Variants in SLC14A2 observed in about 807,000 individuals in gnomAD.
SLC14A2 encodes solute carrier family 14 member 2.
In SLC14A2, 91 loss-of-function variants were observed where a neutral mutation model predicts 104.6. The ratio of observed to expected loss-of-function variants is 0.87; its 90% CI spans 0.73 to 1.04. The LOEUF (loss-of-function observed/expected upper bound fraction) is 1.04. Among genes scored for constraint, SLC14A2 ranks in the 50% least tolerant of loss-of-function variants. The pLI, the probability that SLC14A2 is intolerant of heterozygous loss-of-function variation, is 0.00. For synonymous variants in SLC14A2, 476 were observed against 466.4 expected, an observed-to-expected ratio of 1.02 and a Z score of -0.27; for missense variants, 1,189 against 1,156.0, an observed-to-expected ratio of 1.03 and a Z score of -0.41.
the SLC14A2 span, among the ~76,000 whole-genome samples, chr18:45,170,744 A>AT: frequency 7.9e-5 from 12 of 152,024 alleles, no homozygotes; most frequent in Admixed American, 6.6e-4. Context: ...GTCTCATCCT[A>AT]TTTTCCTGTG....
chr18:45,235,961 A>G (rs12966113), intron 1 of SLC14A2, among the ~76,000 whole-genome samples: 1,538 of 94,788 alleles, frequency 0.016, 160 homozygotes, highest in African/African-American at 0.069. Flanking sequence ...GTATATATGT[A>G]TATATACATA....
chr18:45,549,480 G>A (rs9964008), intron 2 of SLC14A2, among the ~76,000 whole-genome samples: 16,064 of 152,242 alleles, frequency 0.11, 927 homozygotes, highest in Non-Finnish European at 0.13. Flanking sequence ...TTGTTCAAGC[G>A]CACTTGTGAA....
intron 1 of SLC14A2, among the ~76,000 whole-genome samples, chr18:45,618,696 A>AAAAAG (rs1555714274): frequency 2.8e-4 from 40 of 144,466 alleles, no homozygotes; most frequent in African/African-American, 1.1e-3. Context: ...AAAAAAAAAA[A>AAAAAG]AAGAAGTAGT....
At chr18:45,664,014 A>G in intron 11 of SLC14A2, 107 bp downstream of exon 11, 1 of 1,230,308 alleles carries the variant, frequency 8.1e-7, no homozygotes, top group South Asian at 1.5e-5. Flanking sequence ...GACCCGCTGG[A>G]GTCAGACTTG....
chr18:45,645,810 T>C (rs1014860637), intron 10 of SLC14A2, among the ~76,000 whole-genome samples: 1 of 152,034 alleles, frequency 6.6e-6, no homozygotes, highest in Non-Finnish European at 1.5e-5. Flanking sequence ...TAAAACTTTA[T>C]TAAACAAGCA....
At chr18:45,312,338 G>T (rs1200939841) in intron 1 of SLC14A2, among the ~76,000 whole-genome samples, 1 of 151,802 alleles carries the variant, frequency 6.6e-6, no homozygotes, top group Non-Finnish European at 1.5e-5. Context: ...TTTGGTCTTA[G>T]ATGTGGCAAG....
At chr18:45,248,989 AT>A (rs1257067884) in intron 1 of SLC14A2, among the ~76,000 whole-genome samples, 3 of 152,122 alleles carry the variant, frequency 2.0e-5, no homozygotes, top group African/African-American at 7.2e-5. Flanking sequence ...ACGTTCCATA[AT>A]TTTTCTCTTT....
chr18:45,454,047 A>T (rs994905728), intron 1 of SLC14A2, among the ~76,000 whole-genome samples: 11 of 151,672 alleles, frequency 7.3e-5, no homozygotes, highest in African/African-American at 2.7e-4. Context: ...TTTAGTAGAG[A>T]CAGGGTTTCA....
chr18:45,489,834 T>G (rs1279936885), intron 2 of SLC14A2: 1 of 152,162 alleles, frequency 6.6e-6, no homozygotes, highest in African/African-American at 2.4e-5. Context: ...ACATAGAGAT[T>G]ATTGTTTTTA....
chr18:45,178,352 AACAT>A, the SLC14A2 span, among the ~76,000 whole-genome samples: 1 of 152,198 alleles, frequency 6.6e-6, no homozygotes, highest in Non-Finnish European at 1.5e-5. Flanking sequence ...ATGAAATAAA[AACAT>A]AAGTAGATGA....
intron 2 of SLC14A2, among the ~76,000 whole-genome samples, chr18:45,561,043 G>A (rs1403103822): frequency 6.6e-6 from 1 of 152,202 alleles, no homozygotes; most frequent in African/African-American, 2.4e-5. Flanking sequence ...ACAGGATACT[G>A]TGTGGTGAAA....
intron 2 of SLC14A2, among the ~76,000 whole-genome samples, chr18:45,545,922 G>A (rs920217962): frequency 1.3e-5 from 2 of 152,160 alleles, no homozygotes; most frequent in African/African-American, 4.8e-5. Flanking sequence ...TAGGACATAA[G>A]TATTCCTCGT....
intron 2 of SLC14A2, among the ~76,000 whole-genome samples, chr18:45,540,223 A>C (rs925347814): frequency 3.2e-4 from 48 of 151,998 alleles, no homozygotes; most frequent in Non-Finnish European, 6.0e-4. Flanking sequence ...CCTACACCCC[A>C]TTTGGACTCT....
chr18:45,627,560 G>C lies in SLC14A2; in HGVS notation c.521+413G>C, dbSNP rs1006353588. On this transcript the variant is annotated intron_variant, in intron 4 of 19. Transcript: ENST00000255226. ...AGAGAGGCTACCTCTGAGTTATAAA[G>C]GTTGCATATGGGGGATCTGAGAGAA... 5.7e-4 allele frequency among the ~76,000 whole-genome samples: 87 copies of C among 152,186 alleles called. 1 individual carries two copies. The highest frequency in any genetic ancestry group is 2.2e-4 in the Non-Finnish European group (15 of 68,036).
At chr18:45,416,778 T>A (rs1256383769) in intron 1 of SLC14A2, among the ~76,000 whole-genome samples, 1 of 152,294 alleles carries the variant, frequency 6.6e-6, no homozygotes, top group East Asian at 1.9e-4. Flanking sequence ...AACCAGCAGG[T>A]TTTTTCCTCT....
intron 1 of SLC14A2, among the ~76,000 whole-genome samples, chr18:45,225,374 A>C (rs186032989): frequency 4.9e-4 from 75 of 152,198 alleles, no homozygotes; most frequent in African/African-American, 1.8e-3. Flanking sequence ...TACCAGTACC[A>C]TGCTGTTTTG....
chr18:45,347,559 A>T (rs141785262), intron 1 of SLC14A2, among the ~76,000 whole-genome samples: 3 of 152,294 alleles, frequency 2.0e-5, no homozygotes, highest in African/African-American at 7.2e-5. Context: ...AACCCAGAGA[A>T]GACAAGGGCT....
chr18:45,256,229 T>C (rs1193326583), intron 1 of SLC14A2, among the ~76,000 whole-genome samples: 3 of 150,822 alleles, frequency 2.0e-5, no homozygotes, highest in East Asian at 1.9e-4. Flanking sequence ...ATTTGGATTG[T>C]TGTTTCTCAC....
chr18:45,205,360 A>G, the SLC14A2 span, among the ~76,000 whole-genome samples: 1 of 152,210 alleles, frequency 6.6e-6, no homozygotes. Context: ...CTGTTATTTT[A>G]TCAGTTACCT....
Sources: gnomAD v4.1 joint callset for allele counts (sites outside exome capture counted in the v4.1 genomes callset) on GRCh38, gnomAD v4.1.1 for gene constraint, MANE v1.5 for transcripts, NCBI Gene and HGNC (gene_info 2026-07-23, HGNC 2026-07-21) for gene names.